The following RRAS2 variants were observed in gnomAD, a reference collection of about 807,000 sequenced individuals.
RRAS2 encodes the protein ras-related protein R-Ras2.
A neutral mutation model predicts 27.6 loss-of-function variants in RRAS2; 7 were observed. That is an observed-to-expected ratio of 0.25 (90% CI 0.14 to 0.48). The LOEUF is 0.48. Among genes scored for constraint, RRAS2 ranks in the 20% least tolerant of loss-of-function variants. The pLI is 0.99. For synonymous variants in RRAS2, 86 were observed against 90.9 expected (o/e 0.95, Z 0.31); for missense variants, 178 against 256.2 (o/e 0.69, Z 2.08).
chr11:14,303,229 A>C (rs147961225), intron 1 of RRAS2, among the ~76,000 whole-genome samples: 1 of 152,212 alleles, frequency 6.6e-6, no homozygotes, highest in African/African-American at 2.4e-5. Flanking sequence ...CTTAATGTAT[A>C]CTATATAATT....
chr11:14,328,513 G>A (rs934823059), intron 1 of RRAS2, among the ~76,000 whole-genome samples: 1 of 151,964 alleles, frequency 6.6e-6, no homozygotes, highest in African/African-American at 2.4e-5. Context: ...TTAGGCAACA[G>A]TAAAAATAAT....
chr11:14,317,579 C>T (rs1848137013), intron 1 of RRAS2, among the ~76,000 whole-genome samples: 1 of 152,032 alleles, frequency 6.6e-6, no homozygotes, highest in African/African-American at 2.4e-5. Context: ...AAACTCCATC[C>T]CAAAATAAAA....
At chr11:14,342,527 T>C (rs1171494129) in intron 1 of RRAS2, among the ~76,000 whole-genome samples, 3 of 152,216 alleles carry the variant, frequency 2.0e-5, no homozygotes, top group African/African-American at 7.2e-5. Flanking sequence ...CTTGAAACCC[T>C]TAGTAATATA....
intron 1 of RRAS2, among the ~76,000 whole-genome samples, chr11:14,315,498 A>G (rs1848080045): frequency 6.6e-6 from 1 of 152,258 alleles, no homozygotes; most frequent in Non-Finnish European, 1.5e-5. Context: ...CATGACAACT[A>G]AATGTAATGT....
chr11:14,307,292 G>C (rs1847854924), intron 1 of RRAS2, among the ~76,000 whole-genome samples: 1 of 151,750 alleles, frequency 6.6e-6, no homozygotes, highest in Non-Finnish European at 1.5e-5. Context: ...ATACACTCAT[G>C]ACATGCCTTT....
At chr11:14,328,140 G>A (rs1251668514) in intron 1 of RRAS2, among the ~76,000 whole-genome samples, 1 of 152,152 alleles carries the variant, frequency 6.6e-6, no homozygotes, top group Non-Finnish European at 1.5e-5. Flanking sequence ...GGCCGAGGCA[G>A]GCGGATCACC....
At chr11:14,308,311 G>A (rs782183353) in intron 1 of RRAS2, 45 of 451,768 alleles carry the variant, frequency 1.0e-4, no homozygotes, top group East Asian at 7.1e-4. Context: ...CAAGAGTTTC[G>A]AAAGACCTAG....
chr11:14,320,930 C>T (rs1848208011), intron 1 of RRAS2, among the ~76,000 whole-genome samples: 1 of 152,144 alleles, frequency 6.6e-6, no homozygotes, highest in Admixed American at 6.5e-5. Context: ...CCTATAATCC[C>T]AGCACTTTGG....
intron 1 of RRAS2, among the ~76,000 whole-genome samples, chr11:14,306,150 G>C (rs1286570624): frequency 6.6e-6 from 1 of 151,516 alleles, no homozygotes; most frequent in Non-Finnish European, 1.5e-5. Context: ...CATTTCCCTA[G>C]TGGGATGTTG....
rs1847879931 is a variant in RRAS2, at chr11:14,308,377, C to T, written c.109-12522G>A. On this transcript the variant is annotated intron_variant, in intron 1 of 5. Coordinates refer to ENST00000256196, the MANE Select transcript of RRAS2 (RefSeq NM_012250.6). ...AAGCTAGATTCTAGTCCCAGCTATA[C>T]AAACAACTAGCTCAGTGCTCCTAGA... is the stretch of plus-strand genomic sequence containing the variant. The T allele has an allele frequency of 7.6e-6, 3 of 392,650 alleles. No individual in the cohort carries two copies. In the Admixed American group the frequency reaches 1.0e-4, roughly 13 times the overall value. The allele number at this position is 392,650 out of a possible 1,614,324, so 24.3% of individuals were successfully genotyped here. A position where few individuals can be genotyped will look rare whatever the true frequency, so the allele number is the denominator to read the frequency against.
upstream of RRAS2, among the ~76,000 whole-genome samples, chr11:14,360,789 C>T (rs1453437199): frequency 1.3e-5 from 2 of 151,622 alleles, no homozygotes; most frequent in Non-Finnish European, 2.9e-5. Context: ...GGAGTGGTGG[C>T]GTGCACTTGT....
intron 4 of RRAS2, among the ~76,000 whole-genome samples, chr11:14,290,596 GGA>G (rs1339518269): frequency 2.6e-5 from 4 of 152,120 alleles, no homozygotes; most frequent in Non-Finnish European, 4.4e-5. Flanking sequence ...AGAGAGACAC[GGA>G]GACAAAGTAG....
intron 1 of RRAS2, among the ~76,000 whole-genome samples, chr11:14,326,218 T>C (rs1189628581): frequency 3.9e-5 from 6 of 152,228 alleles, no homozygotes; most frequent in African/African-American, 1.4e-4. Context: ...ATGTACCTAA[T>C]GCTATATTTA....
chr11:14,341,768 C>A, intron 1 of RRAS2: 1 of 451,740 alleles, frequency 2.2e-6, no homozygotes, highest in South Asian at 1.6e-5. Flanking sequence ...CTATAAAATA[C>A]CTCAGAAAAT....
chr11:14,321,612 A>G (rs1169037669), intron 1 of RRAS2, among the ~76,000 whole-genome samples: 1 of 152,298 alleles, frequency 6.6e-6, no homozygotes, highest in South Asian at 2.1e-4. Context: ...ATCCTTCTTA[A>G]TAAAGGAAAT....
At chr11:14,301,945 T>C in intron 1 of RRAS2, among the ~76,000 whole-genome samples, 1 of 152,158 alleles carries the variant, frequency 6.6e-6, no homozygotes, top group Admixed American at 6.6e-5. Flanking sequence ...ATCATGCCAC[T>C]GCACTCCAGC....
chr11:14,324,075 A>G (rs1356445152), intron 1 of RRAS2, among the ~76,000 whole-genome samples: 1 of 151,938 alleles, frequency 6.6e-6, no homozygotes, highest in Non-Finnish European at 1.5e-5. Flanking sequence ...ATATTTATTC[A>G]ACATTACATT....
chr11:14,291,480 G>A (rs998483044), intron 4 of RRAS2, among the ~76,000 whole-genome samples: 33 of 152,054 alleles, frequency 2.2e-4, no homozygotes, highest in African/African-American at 8.0e-4. Flanking sequence ...TCAGGCACTT[G>A]CTTTTCTCCC....
chr11:14,284,048 A>G (rs1849606338), intron 4 of RRAS2, among the ~76,000 whole-genome samples: 1 of 151,796 alleles, frequency 6.6e-6, no homozygotes, highest in Non-Finnish European at 1.5e-5. Flanking sequence ...ATTGGTCTTC[A>G]TTCTCTTATT....
Sources: gnomAD v4.1 joint callset for allele counts (sites outside exome capture counted in the v4.1 genomes callset) on GRCh38, gnomAD v4.1.1 for gene constraint, MANE v1.5 for transcripts, NCBI Gene and HGNC (gene_info 2026-07-23, HGNC 2026-07-21) for gene names.